Variants in MACROD2 observed in about 807,000 individuals in gnomAD.
MACROD2 encodes the protein ADP-ribose glycohydrolase MACROD2.
MACROD2 carries 36 observed loss-of-function variants against 70.4 expected under a neutral mutation model. The observed-to-expected ratio is 0.51, with a 90% confidence interval of 0.39 to 0.68. The LOEUF (loss-of-function observed/expected upper bound fraction) is 0.68. MACROD2 is among the 30% of genes least tolerant of loss of function. The pLI is 0.00. For synonymous variants in MACROD2, 172 were observed against 178.8 expected, an observed-to-expected ratio of 0.96 and a Z score of 0.30; for missense variants, 496 against 538.4, an observed-to-expected ratio of 0.92 and a Z score of 0.78.
At chr20:15,682,955 TG>T (rs73615576) in intron 8 of MACROD2, among the ~76,000 whole-genome samples, 6,247 of 152,298 alleles carry the variant, frequency 0.041, 244 homozygotes, top group East Asian at 0.21. Flanking sequence ...TATCATGCTC[TG>T]GTAGCAATTT....
intron 5 of MACROD2, among the ~76,000 whole-genome samples, chr20:14,887,284 A>G (rs1357161154): frequency 6.6e-6 from 1 of 152,164 alleles, no homozygotes; most frequent in Non-Finnish European, 1.5e-5. Flanking sequence ...CAAGAGCGGT[A>G]TAGTGAGTAA....
intron 4 of MACROD2, among the ~76,000 whole-genome samples, chr20:14,535,725 C>G (rs1201221941): frequency 6.6e-6 from 1 of 152,074 alleles, no homozygotes; most frequent in Admixed American, 6.6e-5. Flanking sequence ...CCAGGACCCT[C>G]ACTTTCCTTC....
intron 5 of MACROD2, chr20:15,197,066 T>C (rs1442171414): frequency 1.0e-6 from 1 of 978,584 alleles, no homozygotes; most frequent in East Asian, 1.1e-4. Flanking sequence ...AAGGTCCTTA[T>C]AAGGTCCTCT....
intron 5 of MACROD2, among the ~76,000 whole-genome samples, chr20:14,953,532 C>T (rs1464806804): frequency 6.6e-6 from 1 of 152,132 alleles, no homozygotes; most frequent in Non-Finnish European, 1.5e-5. Context: ...GTCTCGATCT[C>T]CTGACCTCAT....
intron 5 of MACROD2, among the ~76,000 whole-genome samples, chr20:14,696,696 C>G (rs1343322452): frequency 6.6e-6 from 1 of 152,136 alleles, no homozygotes; most frequent in Non-Finnish European, 1.5e-5. Context: ...TGAGACACAG[C>G]CTTAACTGGA....
intron 8 of MACROD2, among the ~76,000 whole-genome samples, chr20:15,856,641 T>A (rs1044948225): frequency 6.6e-6 from 1 of 152,228 alleles, no homozygotes; most frequent in Admixed American, 6.5e-5. Flanking sequence ...ACCTATGCTA[T>A]GCACTGGTGA....
intron 6 of MACROD2, among the ~76,000 whole-genome samples, chr20:15,395,287 G>A (rs955503121): frequency 2.0e-5 from 3 of 152,140 alleles, no homozygotes; most frequent in African/African-American, 7.2e-5. Context: ...TTTGAATGTG[G>A]TCCATTATTT....
chr20:15,821,197 C>T (rs1160731250), intron 8 of MACROD2, among the ~76,000 whole-genome samples: 1 of 152,102 alleles, frequency 6.6e-6, no homozygotes, highest in East Asian at 1.9e-4. Context: ...TGCTTGTCTT[C>T]ATATTAAGTT....
intron 5 of MACROD2, among the ~76,000 whole-genome samples, chr20:15,085,697 ATTC>A (rs983766858): frequency 1.2e-4 from 18 of 152,038 alleles, no homozygotes; most frequent in African/African-American, 4.3e-4. Context: ...GAAATGTGAT[ATTC>A]TTATTGATTC....
intron 8 of MACROD2, among the ~76,000 whole-genome samples, chr20:15,660,389 A>T (rs1427011833): frequency 1.3e-5 from 2 of 149,874 alleles, no homozygotes; most frequent in African/African-American, 4.9e-5. Flanking sequence ...TGGTGATGGT[A>T]TCCATGCACA....
At chr20:16,027,087 A>C (rs1047609658) in intron 15 of MACROD2, among the ~76,000 whole-genome samples, 6 of 152,072 alleles carry the variant, frequency 3.9e-5, no homozygotes, top group African/African-American at 1.4e-4. Context: ...ATGGGCTTTC[A>C]CTTAATGCAG....
At chr20:15,842,757 GACAA>G (rs2064188172) in intron 8 of MACROD2, among the ~76,000 whole-genome samples, 2 of 123,854 alleles carry the variant, frequency 1.6e-5, no homozygotes, top group South Asian at 4.9e-4. Context: ...GAAATAGACA[GACAA>G]ATCTGAATTG....
At chr20:14,608,823 A>G (rs1982978531) in intron 4 of MACROD2, among the ~76,000 whole-genome samples, 1 of 152,192 alleles carries the variant, frequency 6.6e-6, no homozygotes, top group Non-Finnish European at 1.5e-5. Flanking sequence ...ACCGTTTTAG[A>G]TAGAATGATC....
intron 5 of MACROD2, among the ~76,000 whole-genome samples, chr20:15,167,645 A>AC (rs760125016): frequency 6.6e-6 from 1 of 152,168 alleles, no homozygotes; most frequent in Non-Finnish European, 1.5e-5. Context: ...GTCAGAGCAG[A>AC]CCCTTTAGGC....
At chr20:15,556,457 T>C (rs2048170857) in intron 8 of MACROD2, among the ~76,000 whole-genome samples, 1 of 152,198 alleles carries the variant, frequency 6.6e-6, no homozygotes, top group African/African-American at 2.4e-5. Context: ...TGTGTATTCA[T>C]GGTGCCCAGT....
At chr20:14,809,537 G>A (rs2072682547) in intron 5 of MACROD2, among the ~76,000 whole-genome samples, 1 of 151,774 alleles carries the variant, frequency 6.6e-6, no homozygotes, top group Non-Finnish European at 1.5e-5. Flanking sequence ...AGAGAAGCAA[G>A]AGCAAACAAA....
intron 3 of MACROD2, among the ~76,000 whole-genome samples, chr20:14,228,238 G>A (rs1015209435): frequency 1.5e-4 from 22 of 151,640 alleles, no homozygotes; most frequent in Non-Finnish European, 2.6e-4. Context: ...GAAGTAAAAT[G>A]TTAACAATTA....
intron 3 of MACROD2, among the ~76,000 whole-genome samples, chr20:14,487,759 T>A (rs2084752071): frequency 6.6e-6 from 1 of 152,204 alleles, no homozygotes; most frequent in African/African-American, 2.4e-5. Flanking sequence ...CGTATGGATT[T>A]CCACTAGCCC....
At chr20:14,436,473 C>T (rs6079443) in intron 3 of MACROD2, among the ~76,000 whole-genome samples, 149,805 of 152,318 alleles carry the variant, frequency 0.98, 73,717 homozygotes, top group Non-Finnish European at 1. Flanking sequence ...GATTTTGTTA[C>T]TCTTACTAAC....
Sources: allele counts gnomAD v4.1 joint callset (sites outside exome capture counted in the v4.1 genomes callset), GRCh38; gene constraint gnomAD v4.1.1; transcripts MANE v1.5; gene names NCBI Gene and HGNC (gene_info 2026-07-23, HGNC 2026-07-21).